Variants in DLEU7 observed in about 807,000 individuals in gnomAD.
The protein encoded by DLEU7 is leukemia-associated protein 7.
A neutral mutation model predicts 16.0 loss-of-function variants in DLEU7; 17 were observed. The observed-to-expected ratio is 1.06, with a 90% CI of 0.73 to 1.59. DLEU7 has a LOEUF of 1.59. Among genes scored for constraint, DLEU7 ranks in the 40% most tolerant of loss-of-function variants. The pLI is 0.00. For missense variants in DLEU7, 308 were observed against 314.9 expected (o/e 0.98, Z 0.17); for synonymous variants, 113 against 139.8 (o/e 0.81, Z 1.35).
rs993532265 is a variant in DLEU7 at position 50,726,021 on chromosome 13, C to G, written c.460-12781G>C. ...ATTTGTATGCAGCTAAGCATTATGTCAGGCCTCAAGGATACAAAGATCAAT... is the reference window on the plus strand; with the variant it reads ...ATTTGTATGCAGCTAAGCATTATGTGAGGCCTCAAGGATACAAAGATCAAT... On this transcript the variant is annotated intron_variant, in intron 1 of 1. Transcript: ENST00000400393. The surrounding 1 kb of genome is among the most constrained non-coding windows in gnomAD (Gnocchi z 4.0). 6.6e-6 allele frequency among the ~76,000 whole-genome samples: 1 copy of G among 152,172 alleles called. No homozygotes were observed. The highest frequency in any genetic ancestry group is 2.4e-5 in the African/African-American group (1 of 41,436).
At chr13:50,760,534 G>C (rs564726152) in intron 1 of DLEU7, among the ~76,000 whole-genome samples, 259 of 152,192 alleles carry the variant, frequency 1.7e-3, no homozygotes, top group African/African-American at 3.9e-3. Context: ...GCTAACTTTT[G>C]TATTTTTTGT....
chr13:50,767,543 G>T (rs923913845), intron 1 of DLEU7, among the ~76,000 whole-genome samples: 1 of 151,200 alleles, frequency 6.6e-6, no homozygotes, highest in African/African-American at 2.4e-5. Flanking sequence ...TCAAGACTTA[G>T]TTCATGGGAC....
chr13:50,779,184 C>T (rs1875585704), intron 1 of DLEU7, among the ~76,000 whole-genome samples: 1 of 152,168 alleles, frequency 6.6e-6, no homozygotes, highest in Non-Finnish European at 1.5e-5. Context: ...CAGAAATTCC[C>T]ACCCTTAGAG....
chr13:50,715,776 C>T (rs957034363), intron 1 of DLEU7, among the ~76,000 whole-genome samples: 1 of 152,230 alleles, frequency 6.6e-6, no homozygotes, highest in Non-Finnish European at 1.5e-5. Flanking sequence ...CTTCAGACAA[C>T]GTCTATGCCA....
chr13:50,798,677 T>C (rs1440839502), intron 1 of DLEU7, among the ~76,000 whole-genome samples: 1 of 152,240 alleles, frequency 6.6e-6, no homozygotes, highest in African/African-American at 2.4e-5. Flanking sequence ...AGAAACTCTC[T>C]GAGGCTGTCC....
At chr13:50,793,863 C>T (rs1440965629) in intron 1 of DLEU7, among the ~76,000 whole-genome samples, 2 of 152,058 alleles carry the variant, frequency 1.3e-5, no homozygotes, top group African/African-American at 4.8e-5. Flanking sequence ...TAATTTGGAC[C>T]CATTTGTCAA....
chr13:50,791,693 G>A (rs1379284318), intron 1 of DLEU7, among the ~76,000 whole-genome samples: 1 of 152,016 alleles, frequency 6.6e-6, no homozygotes, highest in Non-Finnish European at 1.5e-5. Flanking sequence ...CCAAAATTAT[G>A]AATACAAATT....
At chr13:50,775,122 G>T (rs1875455468) in intron 1 of DLEU7, among the ~76,000 whole-genome samples, 1 of 150,922 alleles carries the variant, frequency 6.6e-6, no homozygotes, top group Non-Finnish European at 1.5e-5. Flanking sequence ...TATTCTCTGG[G>T]GTATGTGTTA....
intron 1 of DLEU7, among the ~76,000 whole-genome samples, chr13:50,806,277 A>C (rs1385077133): frequency 2.0e-5 from 3 of 152,196 alleles, no homozygotes; most frequent in Non-Finnish European, 4.4e-5. Flanking sequence ...TGCATGTTAA[A>C]ATTGGAAGTC....
chr13:50,732,883 G>A (rs1046527934), intron 1 of DLEU7, among the ~76,000 whole-genome samples: 1 of 152,194 alleles, frequency 6.6e-6, no homozygotes, highest in Admixed American at 6.5e-5. Flanking sequence ...AGTGCTTCCA[G>A]AGTGTGGCAG....
At chr13:50,776,124 G>A (rs995616705) in intron 1 of DLEU7, among the ~76,000 whole-genome samples, 5 of 152,036 alleles carry the variant, frequency 3.3e-5, no homozygotes, top group African/African-American at 1.2e-4. Context: ...CTCTCTCTGG[G>A]ACTTGTATTA....
intron 1 of DLEU7, among the ~76,000 whole-genome samples, chr13:50,762,027 A>G (rs1874947587): frequency 1.3e-5 from 2 of 151,788 alleles, no homozygotes; most frequent in South Asian, 4.2e-4. Context: ...CATCTCTACT[A>G]AAAATACAAA....
chr13:50,783,050 A>T (rs1304088691), intron 1 of DLEU7, among the ~76,000 whole-genome samples: 1 of 152,204 alleles, frequency 6.6e-6, no homozygotes, highest in Non-Finnish European at 1.5e-5. Context: ...AAAAGTCAAC[A>T]CTGCTGAGGG....
intron 1 of DLEU7, among the ~76,000 whole-genome samples, chr13:50,800,714 G>A (rs1195968604): frequency 3.3e-5 from 5 of 152,084 alleles, no homozygotes; most frequent in Non-Finnish European, 7.4e-5. Context: ...TATTTGCTTT[G>A]GACAAATACT....
chr13:50,759,793 T>C (rs1681457574), intron 1 of DLEU7, among the ~76,000 whole-genome samples: 2 of 152,152 alleles, frequency 1.3e-5, no homozygotes, highest in South Asian at 4.1e-4. Flanking sequence ...AGGGGGCTTC[T>C]GTGACTTCTC....
chr13:50,716,849 A>G (rs1873451961), intron 1 of DLEU7, among the ~76,000 whole-genome samples: 2 of 152,204 alleles, frequency 1.3e-5, no homozygotes, highest in Admixed American at 1.3e-4. Context: ...TTTGAAAGAC[A>G]CATCAAAAAC....
chr13:50,757,675 G>C (rs938487834), intron 1 of DLEU7, among the ~76,000 whole-genome samples: 2 of 152,170 alleles, frequency 1.3e-5, no homozygotes, highest in Non-Finnish European at 1.5e-5. Flanking sequence ...TTGATCACAG[G>C]CTGAGTGGAT....
chr13:50,717,261 G>T (rs562640932), intron 1 of DLEU7, among the ~76,000 whole-genome samples: 26 of 152,336 alleles, frequency 1.7e-4, no homozygotes, highest in African/African-American at 6.3e-4. Context: ...TTAATGGGAT[G>T]CTGGATATTA....
intron 1 of DLEU7, among the ~76,000 whole-genome samples, chr13:50,730,622 C>T (rs1873888685): frequency 6.6e-6 from 1 of 152,038 alleles, no homozygotes; most frequent in African/African-American, 2.4e-5. Context: ...CAGGGAATCT[C>T]CTGGTTTTTA....
Sources: gnomAD v4.1 joint callset for allele counts (sites outside exome capture counted in the v4.1 genomes callset) on GRCh38, gnomAD v4.1.1 for gene constraint, Gnocchi (gnomAD v3.1) non-coding constraint, MANE v1.5 for transcripts, NCBI Gene and HGNC (gene_info 2026-07-23, HGNC 2026-07-21) for gene names.